Variants in PRKN observed in about 807,000 individuals in gnomAD.
The protein encoded by PRKN is E3 ubiquitin-protein ligase parkin.
A neutral mutation model predicts 59.5 loss-of-function variants in PRKN; 56 were observed. The ratio of observed to expected loss-of-function variants is 0.94; its 90% confidence interval spans 0.76 to 1.18. The LOEUF (loss-of-function observed/expected upper bound fraction) is 1.18. Ranked by LOEUF, PRKN falls within the 50% of genes most tolerant of loss-of-function variation. PRKN has a pLI of 0.00. For synonymous variants in PRKN, 250 were observed against 222.1 expected (o/e 1.13, Z -1.12); for missense variants, 657 against 596.4 (o/e 1.10, Z -1.06).
chr6:162,272,125 C>A (rs990541569), intron 2 of PRKN, among the ~76,000 whole-genome samples: 1 of 152,122 alleles, frequency 6.6e-6, no homozygotes, highest in Admixed American at 6.5e-5. Context: ...GGAGGGGGGA[C>A]CGCTCAGGAA....
chr6:162,645,665 T>C (rs1406448594), intron 1 of PRKN, among the ~76,000 whole-genome samples: 1 of 152,150 alleles, frequency 6.6e-6, no homozygotes, highest in Non-Finnish European at 1.5e-5. Context: ...GAAAACTAAA[T>C]TGTGCTTTCA....
At chr6:162,038,033 C>T (rs993633018) in intron 5 of PRKN, among the ~76,000 whole-genome samples, 4 of 148,772 alleles carry the variant, frequency 2.7e-5, no homozygotes, top group African/African-American at 1.0e-4. Context: ...CATACTGGCA[C>T]ACAGTTCTGA....
At chr6:161,841,734 C>A (rs546968862) in intron 6 of PRKN, among the ~76,000 whole-genome samples, 2 of 152,290 alleles carry the variant, frequency 1.3e-5, no homozygotes, top group African/African-American at 4.8e-5. Context: ...TATCTGATCA[C>A]CCTTGATATA....
chr6:162,315,477 C>T (rs1455307598), intron 2 of PRKN, among the ~76,000 whole-genome samples: 1 of 152,148 alleles, frequency 6.6e-6, no homozygotes, highest in Non-Finnish European at 1.5e-5. Context: ...ACTTAGGATA[C>T]AAAGCACTCA....
At chr6:162,468,708 G>A (rs1356040976) in intron 1 of PRKN, among the ~76,000 whole-genome samples, 2 of 152,208 alleles carry the variant, frequency 1.3e-5, no homozygotes, top group African/African-American at 4.8e-5. Flanking sequence ...GGCCAGCCAA[G>A]TACTGAGCTT....
chr6:161,822,258 G>T (rs1451980005), intron 6 of PRKN, among the ~76,000 whole-genome samples: 2 of 152,190 alleles, frequency 1.3e-5, no homozygotes, highest in African/African-American at 4.8e-5. Context: ...AAGGGGACAT[G>T]AAGAAAAGGG....
At chr6:162,037,553 T>A (rs1465651493) in intron 5 of PRKN, among the ~76,000 whole-genome samples, 1 of 152,026 alleles carries the variant, frequency 6.6e-6, no homozygotes, top group Non-Finnish European at 1.5e-5. Flanking sequence ...GCTTTTTTTT[T>A]TTTTTTGGTT....
intron 1 of PRKN, among the ~76,000 whole-genome samples, chr6:162,644,781 G>A (rs1403512465): frequency 6.6e-6 from 1 of 152,064 alleles, no homozygotes; most frequent in Non-Finnish European, 1.5e-5. Context: ...AAAGCAATAC[G>A]GTATACTGCA....
chr6:161,807,305 G>A (rs1447609028), intron 6 of PRKN, among the ~76,000 whole-genome samples: 1 of 152,062 alleles, frequency 6.6e-6, no homozygotes, highest in Non-Finnish European at 1.5e-5. Context: ...ATACACGCAT[G>A]CAAACATATA....
intron 6 of PRKN, among the ~76,000 whole-genome samples, chr6:161,884,080 A>G (rs945456107): frequency 3.3e-5 from 5 of 152,226 alleles, no homozygotes; most frequent in African/African-American, 1.2e-4. Flanking sequence ...GTCAACTAAC[A>G]TGAAACTAAC....
At chr6:161,733,349 T>G (rs1350536837) in intron 7 of PRKN, among the ~76,000 whole-genome samples, 1 of 152,192 alleles carries the variant, frequency 6.6e-6, no homozygotes, top group East Asian at 1.9e-4. Flanking sequence ...TTTTTATTGT[T>G]AAAATGCCCA....
At chr6:161,773,993 T>C (rs932539219) in intron 7 of PRKN, among the ~76,000 whole-genome samples, 1 of 152,112 alleles carries the variant, frequency 6.6e-6, no homozygotes, top group African/African-American at 2.4e-5. Flanking sequence ...TCCAGACACA[T>C]GCATGCATCA....
At chr6:162,256,249 G>T (rs1188409541) in intron 3 of PRKN, among the ~76,000 whole-genome samples, 1 of 151,992 alleles carries the variant, frequency 6.6e-6, no homozygotes, top group East Asian at 1.9e-4. Context: ...TTATATAATA[G>T]ATATTTTATT....
intron 3 of PRKN, among the ~76,000 whole-genome samples, chr6:162,203,992 C>T (rs936644158): frequency 3.3e-5 from 5 of 152,096 alleles, no homozygotes; most frequent in African/African-American, 7.2e-5. Flanking sequence ...TCCCTGTGCG[C>T]GTGTGTGTGC....
intron 1 of PRKN, among the ~76,000 whole-genome samples, chr6:162,475,749 TTATC>T (rs1791977760): frequency 6.6e-6 from 1 of 152,308 alleles, no homozygotes; most frequent in South Asian, 2.1e-4. Flanking sequence ...ACAGCACTAT[TTATC>T]TATTTATGTA....
chr6:161,777,884 G>A (rs1790022427), intron 7 of PRKN, among the ~76,000 whole-genome samples: 1 of 134,272 alleles, frequency 7.4e-6, no homozygotes. Flanking sequence ...ACGTATATAT[G>A]TATATATATG....
intron 7 of PRKN, among the ~76,000 whole-genome samples, chr6:161,661,559 T>TG (rs1384008432): frequency 1.3e-5 from 2 of 151,932 alleles, no homozygotes; most frequent in Non-Finnish European, 2.9e-5. Flanking sequence ...GCTTCCATTT[T>TG]TTTTTTTTCT....
chr6:162,439,025 C>T (rs1789920854), intron 2 of PRKN, among the ~76,000 whole-genome samples: 1 of 152,138 alleles, frequency 6.6e-6, no homozygotes, highest in African/African-American at 2.4e-5. Flanking sequence ...TTCTATGTTC[C>T]AACTTCCAGT....
intron 7 of PRKN, among the ~76,000 whole-genome samples, chr6:161,610,285 G>A (rs1040898539): frequency 3.3e-5 from 5 of 152,036 alleles, no homozygotes; most frequent in East Asian, 1.9e-4. Flanking sequence ...GAGCTGGGAT[G>A]TCCGCGAGCT....
Sources: gnomAD v4.1 joint callset for allele counts (sites outside exome capture counted in the v4.1 genomes callset) on GRCh38, gnomAD v4.1.1 for gene constraint, MANE v1.5 for transcripts, NCBI Gene and HGNC (gene_info 2026-07-23, HGNC 2026-07-21) for gene names.